Variants in SPAG6 observed in about 807,000 individuals in gnomAD.
The protein encoded by SPAG6 is sperm associated antigen 6, also known as sperm-associated antigen 6.
A neutral mutation model predicts 58.5 loss-of-function variants in SPAG6; 49 were observed. The observed-to-expected ratio is 0.84, with a 90% CI of 0.67 to 1.06. The LOEUF (loss-of-function observed/expected upper bound fraction) is 1.06, where lower values mean the gene tolerates loss of function less well. SPAG6 is among the 50% of genes least tolerant of loss of function. The pLI, the probability that SPAG6 is intolerant of heterozygous loss-of-function variation, is 0.00. For missense variants in SPAG6, 560 were observed against 611.3 expected, an observed-to-expected ratio of 0.92 and a Z score of 0.89; for synonymous variants, 233 against 225.6, an observed-to-expected ratio of 1.03 and a Z score of -0.29.
intron 5 of SPAG6, 108 bp from the exon 6 acceptor site, chr10:22,387,715 C>G: frequency 8.9e-7 from 1 of 1,117,672 alleles, no homozygotes; most frequent in Non-Finnish European, 1.2e-6. Context: ...CATTTTTTTC[C>G]TTTTATAAAG....
intron 3 of SPAG6, among the ~76,000 whole-genome samples, chr10:22,365,459 T>C (rs1425451524): frequency 2.6e-5 from 4 of 152,178 alleles, no homozygotes; most frequent in Non-Finnish European, 4.4e-5. Flanking sequence ...GTATGTGTAA[T>C]GGAAGGTTTG....
Position 22,368,629 on chromosome 10 carries a change from CAAG to C in SPAG6, c.424_426del (p.Lys142del). The C allele has an allele frequency of 6.2e-7, 1 of 1,613,820 alleles. No individual in the cohort carries two copies. The highest frequency in any genetic ancestry group is 8.5e-7 in the Non-Finnish European group (1 of 1,179,914). On this transcript the variant is annotated inframe_deletion, in exon 4 of 11. Transcript: ENST00000376624. The stretch of plus-strand genomic sequence containing the variant: ...GCTTGGAAGATTTTGACCCTGGAGT[CAAG>C]GAGGCTGCAGCCTGGGCACTTAGAT...
intron 4 of SPAG6, among the ~76,000 whole-genome samples, chr10:22,377,160 C>A (rs769279561): frequency 2.6e-5 from 4 of 151,994 alleles, no homozygotes; most frequent in Non-Finnish European, 4.4e-5. Context: ...ACTTAGGTGG[C>A]CTATGGAAAG....
At chr10:22,387,366 T>C (rs1369286092) in intron 5 of SPAG6, among the ~76,000 whole-genome samples, 1 of 152,188 alleles carries the variant, frequency 6.6e-6, no homozygotes, top group Non-Finnish European at 1.5e-5. Context: ...CAATTATACT[T>C]TTATATTCTA....
Position 22,378,565 on chromosome 10 carries a change from T to A in SPAG6, c.473-8189T>A, listed in dbSNP as rs144644724. ...ATTACTTTGTAAAGATGTAATTCCATTTATTTTAGCTATTTTCTTCTTTAC... is the reference window on the plus strand; with the variant it reads ...ATTACTTTGTAAAGATGTAATTCCAATTATTTTAGCTATTTTCTTCTTTAC... On this transcript the variant is annotated intron_variant, in intron 4 of 10. Coordinates refer to ENST00000376624, the MANE Select transcript of SPAG6 (RefSeq NM_012443.4). 4.8e-3 allele frequency among the ~76,000 whole-genome samples: 731 copies of A among 152,266 alleles called. 10 individuals carry two copies. Among genetic ancestry groups the A allele is most frequent in the African/African-American group, 0.017 (694 of 41,558 alleles).
intron 4 of SPAG6, among the ~76,000 whole-genome samples, chr10:22,384,231 A>G (rs1327877781): frequency 6.6e-6 from 1 of 152,214 alleles, no homozygotes; most frequent in Non-Finnish European, 1.5e-5. Context: ...CATGTCCAAC[A>G]AAGAAGAGGT....
chr10:22,354,326 A>G (rs1836808276), intron 2 of SPAG6, among the ~76,000 whole-genome samples: 1 of 152,184 alleles, frequency 6.6e-6, no homozygotes, highest in African/African-American at 2.4e-5. Flanking sequence ...GATGACTTCA[A>G]GATGCCTCCT....
At chr10:22,401,073 T>G in intron 8 of SPAG6, 88 bp from the exon 9 acceptor site, 2 of 715,462 alleles carry the variant, frequency 2.8e-6, no homozygotes, top group Non-Finnish European at 4.9e-6. Context: ...TTGATTTTAT[T>G]TTGAAATTCC....
intron 4 of SPAG6, among the ~76,000 whole-genome samples, chr10:22,372,587 T>C (rs931214517): frequency 1.3e-5 from 2 of 152,108 alleles, no homozygotes; most frequent in Non-Finnish European, 2.9e-5. Flanking sequence ...TGTGGCTCTG[T>C]GGAGGGTGCT....
In SPAG6 at chr10:22,391,912, C is replaced by T; in HGVS notation, c.1189C>T (p.Gln397Ter). The T allele has an allele frequency of 6.2e-7, 1 of 1,609,764 alleles. No individual in the cohort carries two copies. The highest frequency in any genetic ancestry group is 1.1e-5 in the South Asian group (1 of 90,604). ...YMSTESSEDLQVKSKKAIKNI... is the reference protein window; with the variant it reads ...YMSTESSEDL ...GTCAACAGAAAGTTCTGAGGATCTC[C>T]AAGTAAAAGTAAGTGCTTAATTCTG... The change falls in exon 8 of 11, where the codon CAA becomes TAA. Residue 397 changes from glutamine to a stop codon, truncating the protein, a stop_gained. Transcript: ENST00000376624. LOFTEE classifies it high-confidence loss of function.
intron 2 of SPAG6, 79 bp from the exon 3 acceptor site, chr10:22,364,774 G>T: frequency 1.0e-6 from 1 of 988,802 alleles, no homozygotes; most frequent in South Asian, 1.8e-5. Context: ...TAATTTTACT[G>T]TCTGCATATA....
chr10:22,370,663 C>G (rs745639148), intron 4 of SPAG6, among the ~76,000 whole-genome samples: 1 of 152,154 alleles, frequency 6.6e-6, no homozygotes, highest in Non-Finnish European at 1.5e-5. Flanking sequence ...TTGAAAAAGA[C>G]AACTCTTGTC....
intron 4 of SPAG6, among the ~76,000 whole-genome samples, chr10:22,382,737 T>C (rs1265808763): frequency 2.0e-5 from 3 of 152,198 alleles, no homozygotes; most frequent in Non-Finnish European, 4.4e-5. Flanking sequence ...ATATTAAAAA[T>C]TAAGCTAAAA....
chr10:22,376,479 TTACTG>T lies in SPAG6; in HGVS notation c.472+7803_472+7807del, dbSNP rs1414381988. 8.5e-5 allele frequency among the ~76,000 whole-genome samples: 13 copies of T among 152,378 alleles called. 3 individuals are homozygous for T. The highest frequency in any genetic ancestry group is 2.6e-4 in the African/African-American group (11 of 41,594). ...TATTTCTATTGGGTAGCACATAAAA[TTACTG>T]TGTCTGTGCTTTGTAGATATTTGTT... On this transcript the variant is annotated intron_variant, in intron 4 of 10. Transcript: ENST00000376624.
intron 4 of SPAG6, among the ~76,000 whole-genome samples, chr10:22,379,169 C>T (rs1006363540): frequency 6.6e-6 from 1 of 152,176 alleles, no homozygotes; most frequent in African/African-American, 2.4e-5. Context: ...ATGCTTTTCT[C>T]ACTTCCACCT....
chr10:22,388,716 G>A lies in SPAG6; in HGVS notation c.853-444G>A, dbSNP rs570479263. 2.5e-4 allele frequency among the ~76,000 whole-genome samples: 38 copies of A among 152,158 alleles called. No individual in the cohort carries two copies. In the South Asian group the frequency reaches 7.9e-3, roughly 32 times the overall value. On this transcript the variant is annotated intron_variant, in intron 6 of 10. Transcript: ENST00000376624. ...TTGCTTGAGATTTTTCAAAATTAAAGTGCACTCAGCTAGTAATCATTACTA... is the reference window on the plus strand; with the variant it reads ...TTGCTTGAGATTTTTCAAAATTAAAATGCACTCAGCTAGTAATCATTACTA...
chr10:22,401,560 T>C lies in SPAG6; in HGVS notation c.1314+283T>C, dbSNP rs147481397. On this transcript the variant is annotated intron_variant, in intron 9 of 10. Transcript: ENST00000376624. ...GATAATTTATATTGATAAGTGACTT[T>C]TAGTAATCTTTCTAGTGTCTTTCAT... Among the ~76,000 whole-genome samples the C allele has an allele frequency of 4.9e-3, 752 of 152,334 alleles. 7 individuals are homozygous for C. The highest frequency in any genetic ancestry group is 0.017 in the African/African-American group (700 of 41,576).
intron 10 of SPAG6, among the ~76,000 whole-genome samples, chr10:22,414,377 C>G (rs1834819516): frequency 6.6e-6 from 1 of 152,138 alleles, no homozygotes; most frequent in Non-Finnish European, 1.5e-5. Context: ...CATATTGGTT[C>G]TTTCCGAAGG....
intron 3 of SPAG6, 21 bp downstream of exon 3, chr10:22,365,040 G>T: frequency 6.5e-7 from 1 of 1,544,710 alleles, no homozygotes; most frequent in South Asian, 1.2e-5. Context: ...AAAAAAACTA[G>T]TTATATGTTT....
Sources: gnomAD v4.1 joint callset for allele counts (sites outside exome capture counted in the v4.1 genomes callset) on GRCh38, gnomAD v4.1.1 for gene constraint, MANE v1.5 for transcripts, NCBI Gene and HGNC (gene_info 2026-07-23, HGNC 2026-07-21) for gene names.